GABRR2: variants seen among roughly 807,000 people sequenced by gnomAD.
The protein encoded by GABRR2 is gamma-aminobutyric acid receptor subunit rho-2.
Under a neutral mutation model 47.0 loss-of-function variants are expected in GABRR2, and 36 were observed. That is an observed-to-expected ratio of 0.77 (90% CI 0.59 to 1.01). The LOEUF (loss-of-function observed/expected upper bound fraction) is 1.01. GABRR2 is among the 50% of genes least tolerant of loss of function. The pLI, the probability that GABRR2 is intolerant of heterozygous loss-of-function variation, is 0.00. For synonymous variants in GABRR2, 204 were observed against 227.5 expected, an observed-to-expected ratio of 0.90 and a Z score of 0.93; for missense variants, 587 against 594.6, an observed-to-expected ratio of 0.99 and a Z score of 0.13.
At chr6:89,285,557 A>G (rs2127841782) in intron 2 of GABRR2, among the ~76,000 whole-genome samples, 1 of 152,166 alleles carries the variant, frequency 6.6e-6, no homozygotes, top group East Asian at 1.9e-4. Context: ...CCGGGCACTT[A>G]GAGATGCAAA....
chr6:89,303,030 G>A, intron 1 of GABRR2: 1 of 1,195,824 alleles, frequency 8.4e-7, no homozygotes. Flanking sequence ...CCGAGTACCA[G>A]CAGTACCAGG....
chr6:89,290,813 G>C (rs1182665063), intron 2 of GABRR2, among the ~76,000 whole-genome samples: 1 of 152,164 alleles, frequency 6.6e-6, no homozygotes, highest in Non-Finnish European at 1.5e-5. Context: ...TCCTTCTTTT[G>C]AAGGCCACAG....
chr6:89,301,583 C>T (rs1401675286), intron 1 of GABRR2, among the ~76,000 whole-genome samples: 1 of 151,890 alleles, frequency 6.6e-6, no homozygotes, highest in Non-Finnish European at 1.5e-5. Flanking sequence ...CAACAATGGT[C>T]AAGCCTAGAG....
At chr6:89,268,676 A>T (rs1027439955) in intron 4 of GABRR2, among the ~76,000 whole-genome samples, 38 of 151,192 alleles carry the variant, frequency 2.5e-4, no homozygotes, top group African/African-American at 8.5e-4. Context: ...CTTTTTTTTT[A>T]ATCTATTTTT....
intron 2 of GABRR2, among the ~76,000 whole-genome samples, chr6:89,290,160 G>C (rs1034765141): frequency 1.3e-5 from 2 of 152,212 alleles, no homozygotes; most frequent in African/African-American, 4.8e-5. Context: ...CTGCTGTTTT[G>C]ACAAATACAC....
chr6:89,288,270 G>A (rs1416520917), intron 2 of GABRR2, among the ~76,000 whole-genome samples: 2 of 150,702 alleles, frequency 1.3e-5, no homozygotes, highest in Admixed American at 6.6e-5. Flanking sequence ...TGGGGTGGGG[G>A]CAAAGACAAA....
At chr6:89,302,909 A>G in intron 1 of GABRR2, 1 of 1,176,408 alleles carries the variant, frequency 8.5e-7, no homozygotes. Flanking sequence ...AGCATCTCAG[A>G]GCAGTTCACG....
intron 4 of GABRR2, 25 bp downstream of exon 4, chr6:89,268,986 G>A: frequency 6.2e-7 from 1 of 1,600,810 alleles, no homozygotes; most frequent in South Asian, 1.1e-5. Context: ...ACTGGACAGA[G>A]GAACAATGGC....
intron 1 of GABRR2, chr6:89,302,484 T>TCAATGCGG: frequency 3.0e-6 from 2 of 662,856 alleles, no homozygotes; most frequent in Non-Finnish European, 5.3e-6. Flanking sequence ...GCAGGATCAC[T>TCAATGCGG]ACCTCCTTGT....
chr6:89,287,174 G>A (rs1327095449), intron 2 of GABRR2, among the ~76,000 whole-genome samples: 1 of 152,180 alleles, frequency 6.6e-6, no homozygotes, highest in Non-Finnish European at 1.5e-5. Flanking sequence ...GTAGTCCAGG[G>A]GTCAAACCTC....
At chr6:89,271,385 GT>G (rs1278669789) in intron 3 of GABRR2, among the ~76,000 whole-genome samples, 1 of 152,190 alleles carries the variant, frequency 6.6e-6, no homozygotes, top group Non-Finnish European at 1.5e-5. Context: ...TATTTGTGGA[GT>G]GTGTTGAAAA....
chr6:89,274,299 A>G (rs1380554377), intron 2 of GABRR2, among the ~76,000 whole-genome samples: 1 of 152,210 alleles, frequency 6.6e-6, no homozygotes, highest in Non-Finnish European at 1.5e-5. Flanking sequence ...TCGCACCTCA[A>G]GTTTCAACAG....
rs282116 is a variant in GABRR2 at position 89,271,767 on chromosome 6, C to T, written c.221-45G>A. ...GCTGGTTAAGGCACCTTCCTCTCTA[C>T]CTTTGGGCTGGGAACAGCCCCAGTT... On this transcript the variant is annotated intron_variant, in intron 2 of 8. Transcript: ENST00000402938. 7.0e-3 allele frequency: 10,878 copies of T among 1,563,880 alleles called. 678 individuals are homozygous for T. The African/African-American group carries it at 0.13, about 19-fold the overall frequency.
intron 2 of GABRR2, among the ~76,000 whole-genome samples, chr6:89,296,730 G>C (rs1425364149): frequency 2.0e-5 from 3 of 152,236 alleles, no homozygotes; most frequent in Non-Finnish European, 4.4e-5. Context: ...GAACTGGCTT[G>C]AGGAAGGAGC....
intron 2 of GABRR2, among the ~76,000 whole-genome samples, chr6:89,284,580 G>A (rs1774303104): frequency 6.6e-6 from 1 of 152,180 alleles, no homozygotes; most frequent in African/African-American, 2.4e-5. Context: ...GCCCGCTGTT[G>A]GCTGGCTTTG....
chr6:89,273,331 T>C (rs9451193), intron 2 of GABRR2, among the ~76,000 whole-genome samples: 99,462 of 151,964 alleles, frequency 0.65, 33,011 homozygotes, highest in African/African-American at 0.78. Flanking sequence ...CTCCCAGGTT[T>C]AAGCAATTCT....
At chr6:89,307,130 C>T (rs541866504) in intron 1 of GABRR2, among the ~76,000 whole-genome samples, 1 of 152,322 alleles carries the variant, frequency 6.6e-6, no homozygotes. Context: ...TACATTTGGT[C>T]AACATCATCT....
chr6:89,264,611 G>A lies in GABRR2; in HGVS notation c.890-3C>T, dbSNP rs1582435736. ...CATGGTCAGCACCGTCGTGATACCT[G>A]CAACACCCGGCCTTAGTTGGGCTGC... On this transcript the variant is annotated splice_polypyrimidine_tract_variant and splice_region_variant and intron_variant, in intron 7 of 8. Transcript: ENST00000402938. The A allele has an allele frequency of 6.2e-7, 1 of 1,613,956 alleles. No homozygotes were observed. Among genetic ancestry groups the A allele is most frequent in the Non-Finnish European group, 8.5e-7 (1 of 1,179,884 alleles).
At chr6:89,279,502 A>G (rs1027701470) in intron 2 of GABRR2, among the ~76,000 whole-genome samples, 1 of 152,078 alleles carries the variant, frequency 6.6e-6, no homozygotes, top group African/African-American at 2.4e-5. Flanking sequence ...TGATTCAAAA[A>G]ACTTTTTTTT....
Sources: gnomAD v4.1 joint callset for allele counts (sites outside exome capture counted in the v4.1 genomes callset) on GRCh38, gnomAD v4.1.1 for gene constraint, MANE v1.5 for transcripts, NCBI Gene and HGNC (gene_info 2026-07-23, HGNC 2026-07-21) for gene names.